The following TMEM114 variants were observed in gnomAD, a reference collection of about 807,000 sequenced individuals.
TMEM114 encodes transmembrane protein 114.
A neutral mutation model predicts 6.2 loss-of-function variants in TMEM114; 6 were observed. The ratio of observed to expected loss-of-function variants is 0.97; its 90% CI spans 0.53 to 1.91. TMEM114 has a LOEUF of 1.91. TMEM114 is among the 40% of genes most tolerant of loss of function. The pLI, the probability that TMEM114 is intolerant of heterozygous loss-of-function variation, is 0.01. For synonymous variants in TMEM114, 104 were observed against 73.0 expected, an observed-to-expected ratio of 1.42 and a Z score of -2.16; for missense variants, 218 against 158.3, an observed-to-expected ratio of 1.38 and a Z score of -2.02.
downstream of TMEM114, chr16:8,569,422 G>A: frequency 9.2e-7 from 1 of 1,089,392 alleles, no homozygotes; most frequent in South Asian, 3.4e-5. Context: ...CCACCAAGGA[G>A]CTGATCCAAG....
At chr16:8,559,941 A>G (rs536241693) in intron 2 of TMEM114, among the ~76,000 whole-genome samples, 171 of 152,254 alleles carry the variant, frequency 1.1e-3, no homozygotes, top group African/African-American at 4.0e-3. Flanking sequence ...TTAGCTGGGC[A>G]CTCAGAAGAC....
intron 2 of TMEM114, among the ~76,000 whole-genome samples, chr16:8,553,349 C>T (rs558272505): frequency 1.3e-5 from 2 of 152,154 alleles, no homozygotes; most frequent in Non-Finnish European, 2.9e-5. Flanking sequence ...TTCAGGAGAA[C>T]GAAAATAGCT....
At chr16:8,538,168 G>C (rs536285417) in intron 2 of TMEM114, among the ~76,000 whole-genome samples, 1 of 148,470 alleles carries the variant, frequency 6.7e-6, no homozygotes, top group East Asian at 2.0e-4. Flanking sequence ...CGCTGGTCAT[G>C]GTGGTGCCTG....
chr16:8,564,228 AGTGAGTTAGTGAAT>A (rs1901427834), intron 2 of TMEM114, among the ~76,000 whole-genome samples: 1 of 34,778 alleles, frequency 2.9e-5, no homozygotes, highest in African/African-American at 1.3e-4. Context: ...TTAGTGAATG[AGTGAGTTAGTGAAT>A]GAGTGAGTGA....
At position 8,548,896 on chromosome 16, in the gene TMEM114, G is replaced by C. The variant is rs1900756064; in HGVS notation, n.213-11070C>G. Among the ~76,000 whole-genome samples the C allele has an allele frequency of 2.0e-5, 3 of 152,170 alleles. No individual in the cohort carries two copies. The South Asian group carries it at 6.2e-4, about 32-fold the overall frequency. On this transcript the variant is annotated intron_variant and non_coding_transcript_variant, in intron 2 of 2. Coordinates refer to the TMEM114 transcript ENST00000623677. ...GTTGTTGCCTGGGTTAAGAATGCATGATCTCGCCAGGCGCAGTGGCTCATG... is the reference window on the plus strand; with the variant it reads ...GTTGTTGCCTGGGTTAAGAATGCATCATCTCGCCAGGCGCAGTGGCTCATG...
intron 2 of TMEM114, among the ~76,000 whole-genome samples, chr16:8,577,773 G>A (rs1901991865): frequency 6.6e-6 from 1 of 151,808 alleles, no homozygotes; most frequent in African/African-American, 2.4e-5. Context: ...TTTTAGTAGA[G>A]ACGGCATTTC....
intron 3 of TMEM114, 60 bp from the exon 4 acceptor site, chr16:8,570,065 C>G (rs548392335): frequency 2.7e-6 from 4 of 1,502,858 alleles, no homozygotes; most frequent in African/African-American, 1.4e-5. Flanking sequence ...CACTCCCCTC[C>G]TCCTCCTCGC....
At chr16:8,583,976 C>T (rs977265816) in intron 2 of TMEM114, among the ~76,000 whole-genome samples, 10 of 152,184 alleles carry the variant, frequency 6.6e-5, no homozygotes, top group African/African-American at 2.4e-4. Flanking sequence ...CATATTCCAT[C>T]CCCTTGGCTG....
chr16:8,567,004 G>A (rs1234892388), downstream of TMEM114, among the ~76,000 whole-genome samples: 1 of 147,808 alleles, frequency 6.8e-6, no homozygotes, highest in East Asian at 2.1e-4. Flanking sequence ...GGGTTCAAGT[G>A]ATTCTCCTGC....
chr16:8,557,857 G>A (rs1372915723), intron 2 of TMEM114, among the ~76,000 whole-genome samples: 1 of 152,210 alleles, frequency 6.6e-6, no homozygotes, highest in East Asian at 1.9e-4. Context: ...TTGTGATATA[G>A]TGACTTTAGT....
Position 8,569,596 on chromosome 16 carries a change from G to GT in TMEM114, c.*176dup. The GT allele has an allele frequency of 7.0e-7, 1 of 1,431,784 alleles. No individual in the cohort carries two copies. The highest frequency in any genetic ancestry group is 1.5e-5 in the South Asian group (1 of 66,938). The allele number at this position is 1,431,784 out of a possible 1,614,324, so 88.7% of individuals were successfully genotyped here. A position where few individuals can be genotyped will look rare whatever the true frequency, so the allele number is the denominator to read the frequency against. ...GACACACACGGACATAAGCACACAG[G>GT]TACTAGGATAACAGCCAGGCCCCAA... On this transcript the variant is annotated 3_prime_UTR_variant, in exon 4 of 4. Coordinates refer to ENST00000620492, the MANE Select transcript of TMEM114 (RefSeq NM_001146336.2).
downstream of TMEM114, among the ~76,000 whole-genome samples, chr16:8,566,030 G>T (rs1331471927): frequency 6.6e-6 from 1 of 152,192 alleles, no homozygotes. Flanking sequence ...GATCAGAATA[G>T]AACAGAACCA....
intron 2 of TMEM114, among the ~76,000 whole-genome samples, chr16:8,572,498 C>T (rs995979468): frequency 2.6e-5 from 4 of 152,274 alleles, no homozygotes; most frequent in East Asian, 1.9e-4. Flanking sequence ...TACAGTGGCA[C>T]GACCATGGCT....
At chr16:8,543,222 G>A (rs1017500504) in intron 2 of TMEM114, among the ~76,000 whole-genome samples, 3 of 152,070 alleles carry the variant, frequency 2.0e-5, no homozygotes, top group African/African-American at 4.8e-5. Flanking sequence ...AAGGAGAGAC[G>A]GCATGAGGAG....
intron 2 of TMEM114, among the ~76,000 whole-genome samples, chr16:8,582,883 A>T (rs1029428242): frequency 6.6e-6 from 1 of 151,988 alleles, no homozygotes; most frequent in South Asian, 2.1e-4. Context: ...TGGGCAACAG[A>T]GTGAGACAAG....
intron 2 of TMEM114, among the ~76,000 whole-genome samples, chr16:8,584,649 G>A (rs1328064703): frequency 3.3e-5 from 5 of 152,098 alleles, no homozygotes; most frequent in African/African-American, 1.2e-4. Flanking sequence ...CTGGCTGGGC[G>A]TAATGGCCCA....
chr16:8,563,999 G>A (rs879713335), intron 2 of TMEM114, among the ~76,000 whole-genome samples: 67 of 151,528 alleles, frequency 4.4e-4, no homozygotes, highest in Admixed American at 1.4e-3. Flanking sequence ...GGGAGGGAAT[G>A]AGTGAGTGAA....
At chr16:8,559,419 AC>A (rs1416608055) in intron 2 of TMEM114, among the ~76,000 whole-genome samples, 3 of 150,526 alleles carry the variant, frequency 2.0e-5, no homozygotes, top group Non-Finnish European at 4.4e-5. Flanking sequence ...GGAGAAAAAA[AC>A]AATGGCTGCT....
intron 2 of TMEM114, among the ~76,000 whole-genome samples, chr16:8,585,984 T>C (rs1045928473): frequency 6.6e-6 from 1 of 152,192 alleles, no homozygotes; most frequent in Non-Finnish European, 1.5e-5. Flanking sequence ...GGATGTGAGT[T>C]CTGCTCTGTC....
Sources: allele counts gnomAD v4.1 joint callset (sites outside exome capture counted in the v4.1 genomes callset), GRCh38; gene constraint gnomAD v4.1.1; transcripts MANE v1.5; gene names NCBI Gene and HGNC (gene_info 2026-07-23, HGNC 2026-07-21).